The following PPFIA1 variants were observed in gnomAD, a reference collection of about 807,000 sequenced individuals.
The protein encoded by PPFIA1 is PPFI scaffold protein A1, also known as liprin-alpha-1.
In PPFIA1, 25 loss-of-function variants were observed where a neutral mutation model predicts 149.9. The ratio of observed to expected loss-of-function variants is 0.17; its 90% confidence interval spans 0.12 to 0.23. The LOEUF (loss-of-function observed/expected upper bound fraction) is 0.23. Among genes scored for constraint, PPFIA1 ranks in the 10% least tolerant of loss-of-function variants. The pLI is 1.00. For missense variants in PPFIA1, 1,362 were observed against 1,506.5 expected, an observed-to-expected ratio of 0.90 and a Z score of 1.59; for synonymous variants, 549 against 552.8, an observed-to-expected ratio of 0.99 and a Z score of 0.10.
intron 25 of PPFIA1, among the ~76,000 whole-genome samples, 160 bp downstream of exon 25, chr11:70,376,760 C>T (rs917369209): frequency 1.3e-5 from 2 of 152,174 alleles, no homozygotes; most frequent in African/African-American, 4.8e-5. Flanking sequence ...TACATTTATT[C>T]ACAAATGAGC....
intron 27 of PPFIA1, 52 bp downstream of exon 27, chr11:70,382,210 G>A: frequency 6.9e-7 from 1 of 1,453,494 alleles, no homozygotes; most frequent in Non-Finnish European, 9.6e-7. Flanking sequence ...CACAGCAGGA[G>A]TCATCGGAGC....
intron 17 of PPFIA1, 54 bp from the exon 18 acceptor site, chr11:70,355,585 A>G: frequency 2.0e-6 from 3 of 1,505,590 alleles, no homozygotes; most frequent in Non-Finnish European, 2.7e-6. Context: ...GACTGTTAAT[A>G]TGTGAAGTAT....
chr11:70,347,061 T>TA (rs1349457960), intron 15 of PPFIA1, among the ~76,000 whole-genome samples: 4 of 151,942 alleles, frequency 2.6e-5, no homozygotes, highest in Admixed American at 1.3e-4. Flanking sequence ...AAATTTAAAC[T>TA]AAAAAAAAGA....
chr11:70,376,580 A>C lies in PPFIA1; in HGVS notation c.3364A>C (p.Thr1122Pro), dbSNP rs756659057. 1 of 1,613,738 alleles carries C rather than the reference A, an allele frequency of 6.2e-7. No homozygotes were observed. Among genetic ancestry groups the C allele is most frequent in the Non-Finnish European group, 8.5e-7 (1 of 1,179,622 alleles). ...ATTTAACAACCTTTTGGTCATGGGG[A>C]CTGATAGAAGGTTTGATGAAGTAAG... ...REFNNLLVMGTDRRFDEDDDK... is the reference protein window; with the variant it reads ...REFNNLLVMGPDRRFDEDDDK... The change falls in exon 25 of 28, where the codon ACT becomes CCT. Residue 1122 changes from threonine (T) to proline (P), a missense_variant. Physicochemically the swap from Thr to Pro is conservative, Grantham distance 38. Coordinates refer to ENST00000253925, the MANE Select transcript of PPFIA1 (RefSeq NM_003626.5).
intron 2 of PPFIA1, among the ~76,000 whole-genome samples, chr11:70,274,601 G>A (rs1406270214): frequency 6.6e-6 from 1 of 152,150 alleles, no homozygotes; most frequent in Non-Finnish European, 1.5e-5. Context: ...CTGCTCTCTG[G>A]TCATCCCGTG....
intron 8 of PPFIA1, among the ~76,000 whole-genome samples, chr11:70,331,525 A>C (rs1382179247): frequency 6.6e-6 from 1 of 152,172 alleles, no homozygotes; most frequent in Non-Finnish European, 1.5e-5. Context: ...CACACCTGTA[A>C]TCCCACCACT....
chr11:70,330,353 G>C, intron 8 of PPFIA1, 34 bp downstream of exon 8: 1 of 1,516,116 alleles, frequency 6.6e-7, no homozygotes, highest in South Asian at 1.3e-5. Context: ...TCTGGCTTTA[G>C]TTAATTATTA....
intron 4 of PPFIA1, 37 bp from the exon 5 acceptor site, chr11:70,325,463 C>A: frequency 1.3e-6 from 1 of 788,264 alleles, no homozygotes; most frequent in Non-Finnish European, 1.8e-6. Context: ...AAACAGTATA[C>A]ACACACACAC....
Position 70,343,605 on chromosome 11 carries a change from G to A in PPFIA1, c.1708-64G>A, listed in dbSNP as rs903964678. ...TTAAAGAATTCCTAAATTTCCGATA[G>A]ATTTATGTTTCTACAACTAATGTTG... is the stretch of plus-strand genomic sequence containing the variant. On this transcript the variant is annotated intron_variant, in intron 14 of 27. Transcript: ENST00000253925. 3 of 1,437,924 alleles carry A rather than the reference G, an allele frequency of 2.1e-6. No homozygotes were observed. In the African/African-American group the frequency reaches 4.2e-5, roughly 20 times the overall value. The allele number at this position is 1,437,924 out of a possible 1,614,324, so 89.1% of individuals were successfully genotyped here.
intron 10 of PPFIA1, 104 bp downstream of exon 10, chr11:70,333,657 C>T: frequency 1.1e-6 from 1 of 884,028 alleles, no homozygotes; most frequent in Non-Finnish European, 1.8e-6. Context: ...AGATGTTGGT[C>T]CTCCAGCTCA....
At chr11:70,338,305 A>G (rs986744941) in intron 12 of PPFIA1, 69 bp from the exon 13 acceptor site, 19 of 1,231,586 alleles carry the variant, frequency 1.5e-5, no homozygotes, top group Non-Finnish European at 2.3e-5. Flanking sequence ...ACATCTGAGC[A>G]CATTTGAAGT....
intron 2 of PPFIA1, among the ~76,000 whole-genome samples, chr11:70,316,544 CG>C (rs1181904170): frequency 1.3e-5 from 2 of 152,142 alleles, no homozygotes; most frequent in Non-Finnish European, 2.9e-5. Flanking sequence ...GTAAAGAAAA[CG>C]GGAAGAGGAA....
intron 21 of PPFIA1, chr11:70,363,048 T>C (rs2056741966): frequency 6.6e-6 from 1 of 152,430 alleles, no homozygotes; most frequent in South Asian, 2.1e-4. Context: ...TCAAACTGAG[T>C]AATTAACATT....
rs1446458363 is a variant in PPFIA1 at position 70,281,168 on chromosome 11, G to GT, written c.264+8739dup. ...TCATTTGTTGATAACGCCCATTTTT[G>GT]TTTTTTTAATTGAGTCAGACATTAT... is the stretch of plus-strand genomic sequence containing the variant. On this transcript the variant is annotated intron_variant, in intron 2 of 27. Coordinates refer to ENST00000253925, the MANE Select transcript of PPFIA1 (RefSeq NM_003626.5). 2.0e-5 allele frequency among the ~76,000 whole-genome samples: 3 copies of GT among 151,724 alleles called. No individual in the cohort carries two copies. The South Asian group carries it at 6.2e-4, about 32-fold the overall frequency.
chr11:70,274,788 G>A (rs2050288218), intron 2 of PPFIA1, among the ~76,000 whole-genome samples: 1 of 151,738 alleles, frequency 6.6e-6, no homozygotes, highest in Admixed American at 6.6e-5. Context: ...GCATGATCTC[G>A]GCTCACTGTA....
intron 2 of PPFIA1, among the ~76,000 whole-genome samples, chr11:70,280,193 C>G (rs891067843): frequency 2.0e-5 from 3 of 149,910 alleles, no homozygotes; most frequent in African/African-American, 7.5e-5. Context: ...CAGGCATGAG[C>G]TAGCATGTGT....
At position 70,339,256 on chromosome 11, in the gene PPFIA1, C is replaced by T. The variant is rs1252672946; in HGVS notation, c.1657C>T (p.Arg553Trp). Residue 553 changes from arginine to tryptophan, a missense_variant, in exon 14 of 28, where the codon CGG (arginine) becomes TGG (tryptophan). Physicochemically the swap from Arg to Trp is moderately radical, Grantham distance 101. Around this residue, in one of 7 missense-constraint regions of PPFIA1, gnomAD observed 733 missense variants for 744.1 expected, o/e 0.99. Coordinates refer to ENST00000253925, the MANE Select transcript of PPFIA1 (RefSeq NM_003626.5). The part of the protein sequence containing the change: ...TDSYSTSAVL[R>W]RPQKGRLAAL... Reference sequence around the variant, plus strand: ...CTCCTACAGCACCAGTGCAGTGCTGCGGCGCCCACAGAAAGGCCGGCTGGC... The same window carrying T: ...CTCCTACAGCACCAGTGCAGTGCTGTGGCGCCCACAGAAAGGCCGGCTGGC... The T allele has an allele frequency of 2.5e-6, 4 of 1,614,142 alleles. No individual in the cohort carries two copies. The highest frequency in any genetic ancestry group is 8.5e-7 in the Non-Finnish European group (1 of 1,179,990).
chr11:70,316,789 G>A (rs922133083), intron 2 of PPFIA1, among the ~76,000 whole-genome samples: 2 of 152,222 alleles, frequency 1.3e-5, no homozygotes, highest in African/African-American at 2.4e-5. Flanking sequence ...GGCAATAAAT[G>A]TCACATCTGA....
chr11:70,354,209 A>G, intron 16 of PPFIA1, 92 bp from the exon 17 acceptor site: 2 of 1,347,400 alleles, frequency 1.5e-6, no homozygotes, highest in Non-Finnish European at 2.0e-6. Flanking sequence ...AGCACAGCAA[A>G]TCGATTTTCA....
Sources: allele counts gnomAD v4.1 joint callset (sites outside exome capture counted in the v4.1 genomes callset), GRCh38; gene constraint gnomAD v4.1.1; regional missense constraint gnomAD v4.1.1; transcripts MANE v1.5; gene names NCBI Gene and HGNC (gene_info 2026-07-23, HGNC 2026-07-21).